NEUROD1: variants seen among roughly 807,000 people sequenced by gnomAD.
The protein encoded by NEUROD1 is neurogenic differentiation factor 1.
NEUROD1 carries 9 observed loss-of-function variants against 21.8 expected under a neutral mutation model. That is an observed-to-expected ratio of 0.41 (90% CI 0.25 to 0.72). NEUROD1 has a LOEUF of 0.72. Ranked by LOEUF, NEUROD1 falls within the 30% of genes least tolerant of loss-of-function variation. The pLI, the probability that NEUROD1 is intolerant of heterozygous loss-of-function variation, is 0.31. For synonymous variants in NEUROD1, 199 were observed against 186.2 expected, an observed-to-expected ratio of 1.07 and a Z score of -0.56; for missense variants, 434 against 468.8, an observed-to-expected ratio of 0.93 and a Z score of 0.69.
rs1445139402 is a variant in NEUROD1, at chr2:181,678,361, G to A, written c.500C>T (p.Ser167Phe). 1.2e-6 allele frequency: 2 copies of A among 1,614,224 alleles called. No homozygotes were observed. The highest frequency in any genetic ancestry group is 1.1e-5 in the South Asian group (1 of 91,086). Residue 167 changes from serine to phenylalanine, a missense_variant, in exon 2 of 2, where the codon TCC (serine) becomes TTC (phenylalanine). Coordinates refer to ENST00000295108, the MANE Select transcript of NEUROD1 (RefSeq NM_002500.5). The surrounding 1 kb of genome is among the most constrained non-coding windows in gnomAD (Gnocchi z 5.5). ...LRSGKSPDLV[S>F]FVQTLCKGLS... is the part of the protein sequence containing the mutation. Reference sequence around the variant, plus strand: ...GCCCTTGCAAAGCGTCTGAACGAAGGAGACCAGGTCTGGGCTTTTGCCTGA... The same window carrying A: ...GCCCTTGCAAAGCGTCTGAACGAAGAAGACCAGGTCTGGGCTTTTGCCTGA...
downstream of NEUROD1, chr2:181,673,293 C>T (rs951986794): frequency 5.3e-5 from 8 of 152,226 alleles, no homozygotes; most frequent in African/African-American, 1.7e-4. Context: ...CAATTGCCAG[C>T]ACAGAATTCT....
At position 181,678,132 on chromosome 2, in the gene NEUROD1, C is replaced by G. The variant is rs1236932661; in HGVS notation, c.729G>C (p.Lys243Asn). ...CTGCGCTGTAGGCGTGCGGCGGAGG[C>G]TTAACGTGGAAGACATGGGAGCTGT... ...TMDSSHVFHV[K>N]PPPHAYSAAL... is the part of the protein sequence containing the mutation. The change falls in exon 2 of 2, where the codon AAG (lysine) becomes AAC (asparagine). Residue 243 changes from lysine (K) to asparagine (N), a missense_variant. Physicochemically the swap from Lys to Asn is moderately conservative, Grantham distance 94. Coordinates refer to ENST00000295108, the MANE Select transcript of NEUROD1 (RefSeq NM_002500.5). The surrounding 1 kb of genome is among the most constrained non-coding windows in gnomAD (Gnocchi z 5.5). The G allele has an allele frequency of 2.5e-6, 4 of 1,614,020 alleles. No homozygotes were observed. In the African/African-American group the frequency reaches 5.3e-5, roughly 22 times the overall value.
chr2:181,673,180 A>G (rs377629826), downstream of NEUROD1: 166 of 152,360 alleles, frequency 1.1e-3, no homozygotes, highest in African/African-American at 3.9e-3. Context: ...AAGTCCCCAG[A>G]GACTGTGGCC....
At position 181,678,501 on chromosome 2, in the gene NEUROD1, C is replaced by A. The variant is rs1688633727; in HGVS notation, c.360G>T (p.Ala120=). The change falls in exon 2 of 2, where the codon GCG becomes GCT. Residue 120 remains alanine (A), a synonymous_variant. Transcript: ENST00000295108. This position sits in a 1 kb window ranked among gnomAD's most constrained non-coding sequence, Gnocchi z 5.5. The part of the protein sequence containing the change: ...ERNRMHGLNA[A]LDNLRKVVPC... ...GCACCACCTTGCGCAGGTTGTCTAG[C>A]GCCGCGTTCAGTCCGTGCATGCGGT... 1 of 1,614,116 alleles carries A rather than the reference C, an allele frequency of 6.2e-7. No individual in the cohort carries two copies. Among genetic ancestry groups the A allele is most frequent in the African/African-American group, 1.3e-5 (1 of 74,936 alleles).
Position 181,677,647 on chromosome 2 carries a change from T to C in NEUROD1, c.*143A>G. 5 of 1,450,172 alleles carry C rather than the reference T, an allele frequency of 3.4e-6. No individual in the cohort carries two copies. Among genetic ancestry groups the C allele is most frequent in the Non-Finnish European group, 4.7e-6 (5 of 1,062,616 alleles). 89.8% of individuals were successfully genotyped at this position (1,450,172 alleles called of 1,614,324 possible). A position where few individuals can be genotyped will look rare whatever the true frequency, so the allele number is the denominator to read the frequency against. ...CCCCTGTTTCTTCCAAAGGCAGTAATGACAATAAATACATATATCACTTGA... is the reference window on the plus strand; with the variant it reads ...CCCCTGTTTCTTCCAAAGGCAGTAACGACAATAAATACATATATCACTTGA... On this transcript the variant is annotated 3_prime_UTR_variant, in exon 2 of 2. Coordinates refer to ENST00000295108, the MANE Select transcript of NEUROD1 (RefSeq NM_002500.5).
chr2:181,671,676 C>T (rs1288338147), downstream of NEUROD1, among the ~76,000 whole-genome samples: 1 of 152,156 alleles, frequency 6.6e-6, no homozygotes, highest in East Asian at 1.9e-4. Context: ...AACTATCCAC[C>T]CCCATTGGCC....
rs1688617061 is a variant in NEUROD1, at chr2:181,678,042, G to A, written c.819C>T (p.Leu273=). The A allele has an allele frequency of 6.2e-7, 1 of 1,614,230 alleles. No homozygotes were observed. Among genetic ancestry groups the A allele is most frequent in the Non-Finnish European group, 8.5e-7 (1 of 1,180,042 alleles). ...DCTSPSFDGP[L]SPPLSINGNF... is the part of the protein sequence containing the mutation. ...TGCCATTGATGCTGAGCGGCGGGCT[G>A]AGGGGTCCATCAAAGGAAGGGCTGG... is the stretch of plus-strand genomic sequence containing the variant. Residue 273 remains leucine (L), a synonymous_variant, in exon 2 of 2, where the codon CTC becomes CTT. Coordinates refer to ENST00000295108, the MANE Select transcript of NEUROD1 (RefSeq NM_002500.5). The surrounding 1 kb of genome is among the most constrained non-coding windows in gnomAD (Gnocchi z 5.5).
downstream of NEUROD1, among the ~76,000 whole-genome samples, chr2:181,670,086 G>C (rs911871818): frequency 6.6e-6 from 1 of 152,084 alleles, no homozygotes; most frequent in Non-Finnish European, 1.5e-5. Context: ...TATGAAATCG[G>C]GAAAGTGCTA....
chr2:181,679,924 C>A (rs1200197057), intron 1 of NEUROD1, among the ~76,000 whole-genome samples: 1 of 152,186 alleles, frequency 6.6e-6, no homozygotes, highest in Non-Finnish European at 1.5e-5. Flanking sequence ...CACTTTCCCC[C>A]CTCTCAACTA....
At chr2:181,679,063 G>T (rs563171593) in intron 1 of NEUROD1, among the ~76,000 whole-genome samples, 192 bp from the exon 2 acceptor site, 1 of 152,288 alleles carries the variant, frequency 6.6e-6, no homozygotes, top group South Asian at 2.1e-4. Flanking sequence ...CGTGTGCCCC[G>T]CTAGTACGTA....
Position 181,678,013 on chromosome 2 carries a change from A to C in NEUROD1, c.848T>G (p.Phe283Cys). Residue 283 changes from phenylalanine (F) to cysteine (C), a missense_variant, in exon 2 of 2, where the codon TTC becomes TGC. Phe to Cys is a radical substitution (Grantham distance 205). Coordinates refer to ENST00000295108, the MANE Select transcript of NEUROD1 (RefSeq NM_002500.5). This position sits in a 1 kb window ranked among gnomAD's most constrained non-coding sequence, Gnocchi z 5.5. ...GGCGGACGGTTCGTGTTTGAAAGAG[A>C]AGTTGCCATTGATGCTGAGCGGCGG... ...LSPPLSINGN[F>C]SFKHEPSAEF... 6.2e-7 allele frequency: 1 copy of C among 1,614,110 alleles called. No homozygotes were observed. Among genetic ancestry groups the C allele is most frequent in the Non-Finnish European group, 8.5e-7 (1 of 1,180,028 alleles).
chr2:181,678,189 A>T lies in NEUROD1; in HGVS notation c.672T>A (p.Pro224=), dbSNP rs1688622513. 6.2e-7 allele frequency: 1 copy of T among 1,614,062 alleles called. No homozygotes were observed. The highest frequency in any genetic ancestry group is 8.5e-7 in the Non-Finnish European group (1 of 1,180,014). Residue 224 remains proline (P), a synonymous_variant, in exon 2 of 2, where the codon CCT becomes CCA. Coordinates refer to ENST00000295108, the MANE Select transcript of NEUROD1 (RefSeq NM_002500.5). The surrounding 1 kb of genome is among the most constrained non-coding windows in gnomAD (Gnocchi z 5.5). ...TACCGTAAGGCGGACTGGGCAGCCC[A>T]GGCGACTGGTAGGAGTAGGGGTGTA... ...FPVHPYSYQS[P]GLPSPPYGTM...
rs764112638 is a variant in NEUROD1, at chr2:181,677,868, G to A, written c.993C>T (p.Asp331=). 9 of 1,614,054 alleles carry A rather than the reference G, an allele frequency of 5.6e-6. No homozygotes were observed. The highest frequency in any genetic ancestry group is 7.6e-6 in the Non-Finnish European group (9 of 1,180,038). The part of the protein sequence containing the change: ...TAAPRCEIPI[D]NIMSFDSHSH... ...AATGGCTATCGAAGGACATAATATTGTCTATGGGGATCTCGCAGCGAGGGG... is the reference window on the plus strand; with the variant it reads ...AATGGCTATCGAAGGACATAATATTATCTATGGGGATCTCGCAGCGAGGGG... Residue 331 remains aspartate (D), a synonymous_variant, in exon 2 of 2, where the codon GAC becomes GAT. Coordinates refer to ENST00000295108, the MANE Select transcript of NEUROD1 (RefSeq NM_002500.5).
exon 2 of NEUROD1, among the ~76,000 whole-genome samples, chr2:181,670,437 T>C (rs1358035287): frequency 6.6e-6 from 1 of 152,158 alleles, no homozygotes; most frequent in Non-Finnish European, 1.5e-5. Context: ...TCATTAAAAG[T>C]TTAAGAAGAC....
At chr2:181,672,679 G>C (rs1167207691), downstream of NEUROD1, among the ~76,000 whole-genome samples, 1 of 152,214 alleles carries the variant, frequency 6.6e-6, no homozygotes, top group Non-Finnish European at 1.5e-5. Context: ...CTTTGAGGAA[G>C]TGGCAATGAA....
downstream of NEUROD1, among the ~76,000 whole-genome samples, chr2:181,671,741 T>C (rs545897692): frequency 6.6e-6 from 1 of 152,314 alleles, no homozygotes; most frequent in South Asian, 2.1e-4. Flanking sequence ...CACCGAATTT[T>C]CTTTTTAGAA....
At chr2:181,674,903 C>T (rs1688546824), downstream of NEUROD1, among the ~76,000 whole-genome samples, 1 of 152,036 alleles carries the variant, frequency 6.6e-6, no homozygotes, top group Non-Finnish European at 1.5e-5. Context: ...CTGGAATTCT[C>T]AAAATGGCAT....
At chr2:181,668,485 T>A (rs1483170531), downstream of NEUROD1, among the ~76,000 whole-genome samples, 3 of 152,152 alleles carry the variant, frequency 2.0e-5, no homozygotes, top group Admixed American at 2.0e-4. Context: ...TCTCATATAG[T>A]TAAGAGAAGC....
Position 181,677,418 on chromosome 2 carries a change from A to T in NEUROD1, c.*372T>A, listed in dbSNP as rs1432166757. ...GGTTGAAAAATATATATTTATATAT[A>T]TTTTAATTGGCCCATTACTAGTTTA... On this transcript the variant is annotated 3_prime_UTR_variant, in exon 2 of 2. Transcript: ENST00000295108. The T allele has an allele frequency of 6.1e-6, 1 of 162,766 alleles. No individual in the cohort carries two copies. Among genetic ancestry groups the T allele is most frequent in the African/African-American group, 2.4e-5 (1 of 41,466 alleles). The allele number at this position is 162,766 out of a possible 1,614,324, so 10.1% of individuals were successfully genotyped here.
Sources: allele counts gnomAD v4.1 joint callset (sites outside exome capture counted in the v4.1 genomes callset), GRCh38; gene constraint gnomAD v4.1.1; non-coding constraint Gnocchi (gnomAD v3.1); transcripts MANE v1.5; gene names NCBI Gene and HGNC (gene_info 2026-07-23, HGNC 2026-07-21).